Variants in CECR2 observed in about 807,000 individuals in gnomAD.
The protein encoded by CECR2 is chromatin remodeling regulator CECR2.
In CECR2, 30 loss-of-function variants were observed where a neutral mutation model predicts 154.5. That is an observed-to-expected ratio of 0.19 (90% CI 0.15 to 0.26). The LOEUF is 0.26. Among genes scored for constraint, CECR2 ranks in the 10% least tolerant of loss-of-function variants. The pLI, the probability that CECR2 is intolerant of heterozygous loss-of-function variation, is 1.00. For missense variants in CECR2, 1,743 were observed against 1,829.3 expected, an observed-to-expected ratio of 0.95 and a Z score of 0.86; for synonymous variants, 725 against 683.7, an observed-to-expected ratio of 1.06 and a Z score of -0.94.
chr22:17,426,250 T>A (rs1439518530), intron 1 of CECR2, among the ~76,000 whole-genome samples: 1 of 144,416 alleles, frequency 6.9e-6, no homozygotes, highest in Non-Finnish European at 1.5e-5. Flanking sequence ...TTCCTTAATG[T>A]TGTCAAATTT....
chr22:17,531,023 G>A (rs114385514), intron 9 of CECR2, among the ~76,000 whole-genome samples: 2,749 of 152,262 alleles, frequency 0.018, 87 homozygotes, highest in African/African-American at 0.062. Context: ...TAATGCTACT[G>A]AATTGTATGC....
At chr22:17,394,554 A>G (rs1416768302) in intron 1 of CECR2, among the ~76,000 whole-genome samples, 1 of 152,002 alleles carries the variant, frequency 6.6e-6, no homozygotes, top group East Asian at 1.9e-4. Flanking sequence ...TGCCAGTACC[A>G]CTATGTCTTG....
intron 8 of CECR2, among the ~76,000 whole-genome samples, chr22:17,515,641 C>T (rs1296174853): frequency 6.6e-6 from 1 of 151,148 alleles, no homozygotes; most frequent in African/African-American, 2.4e-5. Flanking sequence ...TTTAAGCATA[C>T]AATAAAAGCT....
At chr22:17,395,991 G>GC (rs2053803299) in intron 1 of CECR2, among the ~76,000 whole-genome samples, 1 of 151,920 alleles carries the variant, frequency 6.6e-6, no homozygotes, top group African/African-American at 2.4e-5. Flanking sequence ...TGTAATCCCA[G>GC]CACTTTGGGA....
At chr22:17,478,216 A>G (rs1374492378) in intron 2 of CECR2, among the ~76,000 whole-genome samples, 3 of 152,148 alleles carry the variant, frequency 2.0e-5, no homozygotes, top group Non-Finnish European at 4.4e-5. Context: ...CTATGTGTCT[A>G]TATAGGACAG....
chr22:17,396,990 ATCCCGAGGCAGTGTTG>A (rs1249956001), intron 1 of CECR2, among the ~76,000 whole-genome samples: 1 of 152,170 alleles, frequency 6.6e-6, no homozygotes, highest in African/African-American at 2.4e-5. Flanking sequence ...GGGCAGTGTC[ATCCCGAGGCAGTGTTG>A]TGGGAATCTG....
intron 1 of CECR2, among the ~76,000 whole-genome samples, chr22:17,406,907 G>T (rs1018100923): frequency 6.6e-6 from 1 of 152,096 alleles, no homozygotes; most frequent in Non-Finnish European, 1.5e-5. Flanking sequence ...GGGTATTCTC[G>T]TGCGAAAATG....
chr22:17,449,688 A>G (rs1488905488), intron 1 of CECR2, among the ~76,000 whole-genome samples: 1 of 151,550 alleles, frequency 6.6e-6, no homozygotes, highest in South Asian at 2.1e-4. Context: ...ACGGGGTTTC[A>G]CTGTGTTAGT....
rs150866363 is a variant in CECR2 at position 17,507,094 on chromosome 22, A to G, written c.870+2078A>G. Among the ~76,000 whole-genome samples the G allele has an allele frequency of 2.2e-3, 329 of 152,348 alleles. 2 individuals are homozygous for G. The highest frequency in any genetic ancestry group is 7.6e-3 in the African/African-American group (316 of 41,590). On this transcript the variant is annotated intron_variant, in intron 7 of 18. Transcript: ENST00000262608. ...ACTTGCCAGTGAAATATGAAGAGAA[A>G]GTATTTGTAAATCATCACTGCAGTA...
At chr22:17,455,816 AG>A (rs1348817736) in intron 1 of CECR2, among the ~76,000 whole-genome samples, 8 of 152,120 alleles carry the variant, frequency 5.3e-5, no homozygotes, top group Non-Finnish European at 5.9e-5. Context: ...TCACCATGTT[AG>A]TCAGGCTGGT....
rs562543143 is a variant in CECR2 at position 17,385,872 on chromosome 22, T to A, written c.126+15963T>A. ...GGTAGTGGTAACAGGAAAGGACATT[T>A]CTCACTGGTGCTATTGAAGAAAGAG... On this transcript the variant is annotated intron_variant, in intron 1 of 18. Coordinates refer to ENST00000262608, the MANE Select transcript of CECR2 (RefSeq NM_001290047.2). Among the ~76,000 whole-genome samples the A allele has an allele frequency of 1.3e-3, 192 of 152,300 alleles. 1 individual carries two copies. Among genetic ancestry groups the A allele is most frequent in the African/African-American group, 4.2e-3 (176 of 41,568 alleles).
intron 8 of CECR2, among the ~76,000 whole-genome samples, chr22:17,518,111 A>T (rs1443131643): frequency 1.3e-5 from 2 of 149,326 alleles, no homozygotes; most frequent in Non-Finnish European, 3.0e-5. Flanking sequence ...GTTCTTTTTG[A>T]TCATCCCATC....
chr22:17,545,415 G>A, intron 16 of CECR2, among the ~76,000 whole-genome samples: 1 of 143,492 alleles, frequency 7.0e-6, no homozygotes, highest in African/African-American at 2.6e-5. Context: ...CGTTTAAGAG[G>A]AATAAACATT....
chr22:17,461,979 G>A (rs2054946243), intron 1 of CECR2, among the ~76,000 whole-genome samples: 1 of 151,824 alleles, frequency 6.6e-6, no homozygotes, highest in African/African-American at 2.4e-5. Context: ...TTTTAGTAGA[G>A]ACAGGGTTTC....
chr22:17,368,329 G>A (rs543921503), upstream of CECR2, among the ~76,000 whole-genome samples: 24 of 152,242 alleles, frequency 1.6e-4, no homozygotes, highest in Non-Finnish European at 2.8e-4. Flanking sequence ...TCAATAAATA[G>A]TTGATTAATT....
upstream of CECR2, among the ~76,000 whole-genome samples, chr22:17,368,735 G>T (rs1423029457): frequency 3.9e-5 from 6 of 152,072 alleles, no homozygotes; most frequent in African/African-American, 1.4e-4. Context: ...GCAGTAGCAG[G>T]GTTCCGAGCC....
At chr22:17,450,399 T>C (rs1255966932) in intron 1 of CECR2, among the ~76,000 whole-genome samples, 1 of 152,140 alleles carries the variant, frequency 6.6e-6, no homozygotes, top group Non-Finnish European at 1.5e-5. Context: ...GCCTCCTGAG[T>C]AGCTGGGGCT....
intron 1 of CECR2, among the ~76,000 whole-genome samples, chr22:17,404,271 C>A: frequency 9.1e-6 from 1 of 109,526 alleles, no homozygotes; most frequent in Admixed American, 9.3e-5. Context: ...TCCCCCCGAC[C>A]CCCCTGCCAA....
chr22:17,363,481 T>C (rs1357936985), intron 1 of CECR2, among the ~76,000 whole-genome samples: 1 of 152,134 alleles, frequency 6.6e-6, no homozygotes, highest in Non-Finnish European at 1.5e-5. Context: ...GTGGTGGAAT[T>C]ACAGGCGTGA....
Sources: allele counts gnomAD v4.1 joint callset (sites outside exome capture counted in the v4.1 genomes callset), GRCh38; gene constraint gnomAD v4.1.1; transcripts MANE v1.5; gene names NCBI Gene and HGNC (gene_info 2026-07-23, HGNC 2026-07-21).